The following MGMT variants were observed in gnomAD, a reference collection of about 807,000 sequenced individuals.
The protein encoded by MGMT is methylated-DNA--protein-cysteine methyltransferase.
A neutral mutation model predicts 15.9 loss-of-function variants in MGMT; 14 were observed. That is an observed-to-expected ratio of 0.88 (90% CI 0.58 to 1.37). The LOEUF is 1.37. MGMT is among the 40% of genes most tolerant of loss of function. The pLI is 0.00. For missense variants in MGMT, 282 were observed against 268.1 expected (o/e 1.05, Z -0.36); for synonymous variants, 130 against 118.2 (o/e 1.10, Z -0.65).
intron 2 of MGMT, among the ~76,000 whole-genome samples, chr10:129,576,713 G>C (rs1209756834): frequency 6.6e-6 from 1 of 152,172 alleles, no homozygotes; most frequent in Non-Finnish European, 1.5e-5. Context: ...AGGGAATAAA[G>C]GGCATTCATT....
At chr10:129,564,546 T>A (rs1846326356) in intron 2 of MGMT, among the ~76,000 whole-genome samples, 1 of 78,304 alleles carries the variant, frequency 1.3e-5, no homozygotes, top group Admixed American at 1.4e-4. Flanking sequence ...CTCCACTTCC[T>A]CATCTTCCTC....
At position 129,650,099 on chromosome 10, in the gene MGMT, G is replaced by A. The variant is rs56011936; in HGVS notation, c.126-57796G>A. Among the ~76,000 whole-genome samples the A allele has an allele frequency of 6.5e-3, 995 of 152,204 alleles. 17 individuals carry two copies. The highest frequency in any genetic ancestry group is 0.023 in the African/African-American group (965 of 41,520). On this transcript the variant is annotated intron_variant, in intron 2 of 4. Transcript: ENST00000651593. ...AGAAACAAAAGGAAGGGCACTCACC[G>A]GCTCGTGGCCAGAGCAGACTCTCAT...
chr10:129,748,822 A>G (rs1208331866), intron 3 of MGMT, among the ~76,000 whole-genome samples: 2 of 152,216 alleles, frequency 1.3e-5, no homozygotes, highest in African/African-American at 2.4e-5. Flanking sequence ...TCCCACTCAC[A>G]ATGAGAAACC....
At chr10:129,732,291 C>T (rs1056849643) in intron 3 of MGMT, among the ~76,000 whole-genome samples, 25 of 152,032 alleles carry the variant, frequency 1.6e-4, no homozygotes, top group African/African-American at 5.8e-4. Context: ...TCTCCTAATG[C>T]TATCCCTCCC....
At chr10:129,720,320 G>C (rs1848354954) in intron 3 of MGMT, among the ~76,000 whole-genome samples, 1 of 152,228 alleles carries the variant, frequency 6.6e-6, no homozygotes, top group African/African-American at 2.4e-5. Flanking sequence ...TGCCCATGTA[G>C]GCTGCTGCAA....
chr10:129,588,644 G>T (rs1043788967), intron 2 of MGMT, among the ~76,000 whole-genome samples: 14 of 152,060 alleles, frequency 9.2e-5, no homozygotes, highest in African/African-American at 3.1e-4. Context: ...CCGAACCCTG[G>T]GTCCAGTCCT....
At chr10:129,766,286 C>T (rs1589983535) in intron 4 of MGMT, among the ~76,000 whole-genome samples, 1 of 152,142 alleles carries the variant, frequency 6.6e-6, no homozygotes, top group East Asian at 1.9e-4. Flanking sequence ...TTTGCAAAAG[C>T]AGGTGGTGGG....
chr10:129,706,373 C>T (rs1848162251), intron 2 of MGMT, among the ~76,000 whole-genome samples: 1 of 152,214 alleles, frequency 6.6e-6, no homozygotes, highest in South Asian at 2.1e-4. Flanking sequence ...TGGGACCCTC[C>T]CAGAGCAGCA....
At chr10:129,756,447 G>C (rs373773194) in intron 3 of MGMT, among the ~76,000 whole-genome samples, 148 of 152,312 alleles carry the variant, frequency 9.7e-4, no homozygotes, top group Middle Eastern at 3.4e-3. Flanking sequence ...GTGAAAGAGA[G>C]AAGGCTGCTG....
chr10:129,737,726 G>T (rs1848580645), intron 3 of MGMT, among the ~76,000 whole-genome samples: 1 of 152,156 alleles, frequency 6.6e-6, no homozygotes, highest in South Asian at 2.1e-4. Flanking sequence ...GTACAGATGG[G>T]TTTTTGGTGT....
At chr10:129,553,682 G>C (rs1039580750) in intron 2 of MGMT, among the ~76,000 whole-genome samples, 41 of 152,230 alleles carry the variant, frequency 2.7e-4, no homozygotes, top group African/African-American at 9.9e-4. Context: ...GATGGTGGCA[G>C]ATCAGTCCTG....
At chr10:129,594,135 G>T (rs1846722939) in intron 2 of MGMT, among the ~76,000 whole-genome samples, 1 of 152,216 alleles carries the variant, frequency 6.6e-6, no homozygotes, top group Non-Finnish European at 1.5e-5. Context: ...TGAGGCCTCT[G>T]CCTTTCTGTG....
At chr10:129,753,574 G>A (rs942754715) in intron 3 of MGMT, among the ~76,000 whole-genome samples, 47 of 151,292 alleles carry the variant, frequency 3.1e-4, no homozygotes, top group Non-Finnish European at 1.5e-5. Context: ...CTCTTTTCTC[G>A]GCATCTCCAT....
At chr10:129,725,311 C>T (rs1346876836) in intron 3 of MGMT, among the ~76,000 whole-genome samples, 1 of 152,254 alleles carries the variant, frequency 6.6e-6, no homozygotes, top group Non-Finnish European at 1.5e-5. Flanking sequence ...TGCCCAGCCC[C>T]TCGCTGCCAT....
At chr10:129,550,345 C>T (rs561421663) in intron 2 of MGMT, among the ~76,000 whole-genome samples, 8 of 139,518 alleles carry the variant, frequency 5.7e-5, no homozygotes, top group African/African-American at 2.0e-4. Context: ...CGGCATGTTT[C>T]ACAGTGTTCC....
At chr10:129,766,724 C>T in intron 4 of MGMT, 64 bp from the exon 5 acceptor site, 1 of 1,473,862 alleles carries the variant, frequency 6.8e-7, no homozygotes, top group Non-Finnish European at 9.2e-7. Flanking sequence ...GGGCCTTGGC[C>T]TTGACCCCAA....
chr10:129,543,485 G>A (rs747099934), intron 2 of MGMT, among the ~76,000 whole-genome samples: 1 of 152,188 alleles, frequency 6.6e-6, no homozygotes, highest in Non-Finnish European at 1.5e-5. Flanking sequence ...GGGATTCACT[G>A]TGAAATTGTT....
intron 1 of MGMT, among the ~76,000 whole-genome samples, chr10:129,480,209 G>A (rs1845342292): frequency 6.6e-6 from 1 of 152,116 alleles, no homozygotes; most frequent in Non-Finnish European, 1.5e-5. Flanking sequence ...TAATTAAAAG[G>A]GAATAGTGTT....
intron 2 of MGMT, among the ~76,000 whole-genome samples, chr10:129,640,660 G>C (rs560847509): frequency 6.6e-6 from 1 of 152,088 alleles, no homozygotes; most frequent in East Asian, 1.9e-4. Context: ...CAAATAAAGG[G>C]ATTAGAAGAA....
Sources: allele counts gnomAD v4.1 joint callset (sites outside exome capture counted in the v4.1 genomes callset), GRCh38; gene constraint gnomAD v4.1.1; transcripts MANE v1.5; gene names NCBI Gene and HGNC (gene_info 2026-07-23, HGNC 2026-07-21).